The following GRID2 variants were observed in gnomAD, a reference collection of about 807,000 sequenced individuals.
The protein encoded by GRID2 is glutamate receptor ionotropic, delta-2.
Under a neutral mutation model 114.8 loss-of-function variants are expected in GRID2, and 33 were observed. The observed-to-expected ratio is 0.29, with a 90% confidence interval of 0.22 to 0.38. GRID2 has a LOEUF of 0.38. Ranked by LOEUF, GRID2 falls within the 10% of genes least tolerant of loss-of-function variation. The pLI is 1.00. For synonymous variants in GRID2, 505 were observed against 449.9 expected (o/e 1.12, Z -1.55); for missense variants, 1,184 against 1,257.7 (o/e 0.94, Z 0.89).
At chr4:92,957,248 T>A (rs2149145062) in intron 2 of GRID2, among the ~76,000 whole-genome samples, 1 of 152,260 alleles carries the variant, frequency 6.6e-6, no homozygotes, top group Admixed American at 6.5e-5. Flanking sequence ...ATATGATTTT[T>A]TTTTCTATGT....
intron 1 of GRID2, among the ~76,000 whole-genome samples, chr4:92,511,222 C>T (rs1196636802): frequency 6.6e-6 from 1 of 151,796 alleles, no homozygotes; most frequent in African/African-American, 2.4e-5. Flanking sequence ...CAACACATCA[C>T]ATGGCAAGAG....
At chr4:93,538,061 T>C (rs1732277080) in intron 13 of GRID2, among the ~76,000 whole-genome samples, 1 of 151,822 alleles carries the variant, frequency 6.6e-6, no homozygotes, top group African/African-American at 2.4e-5. Flanking sequence ...ATTCTCTTTT[T>C]AAAATTTTTA....
intron 2 of GRID2, among the ~76,000 whole-genome samples, chr4:92,631,493 C>T (rs1730806850): frequency 6.6e-6 from 1 of 152,056 alleles, no homozygotes; most frequent in African/African-American, 2.4e-5. Context: ...CTCTTACAAT[C>T]ACAGGATTTC....
intron 1 of GRID2, among the ~76,000 whole-genome samples, chr4:92,475,116 TAATAATAATAATA>T (rs887961556): frequency 2.0e-4 from 25 of 124,290 alleles, no homozygotes; most frequent in African/African-American, 7.1e-4. Flanking sequence ...ACTTAAAGTA[TAATAATAATAATA>T]AATAATAATA....
intron 2 of GRID2, among the ~76,000 whole-genome samples, chr4:93,017,781 A>G (rs1426384137): frequency 6.7e-6 from 1 of 150,182 alleles, no homozygotes; most frequent in Non-Finnish European, 1.5e-5. Flanking sequence ...GACTCCAGCC[A>G]GGACAGAGCA....
At chr4:93,141,867 C>T (rs1735798046) in intron 4 of GRID2, among the ~76,000 whole-genome samples, 1 of 152,156 alleles carries the variant, frequency 6.6e-6, no homozygotes, top group African/African-American at 2.4e-5. Flanking sequence ...TTCTGGTGAT[C>T]TTGTTTGACT....
intron 2 of GRID2, among the ~76,000 whole-genome samples, chr4:92,613,617 T>C (rs1729860439): frequency 6.6e-6 from 1 of 151,544 alleles, no homozygotes; most frequent in Non-Finnish European, 1.5e-5. Context: ...CATCGCTGAG[T>C]GAGTTTGATA....
chr4:92,459,274 T>C (rs1174859934), intron 1 of GRID2, among the ~76,000 whole-genome samples: 1 of 152,172 alleles, frequency 6.6e-6, no homozygotes, highest in Non-Finnish European at 1.5e-5. Context: ...ATAATTGTTA[T>C]AAATAATTTA....
intron 2 of GRID2, among the ~76,000 whole-genome samples, chr4:92,929,846 A>G (rs1750090705): frequency 6.6e-6 from 1 of 151,360 alleles, no homozygotes; most frequent in Non-Finnish European, 1.5e-5. Flanking sequence ...GTTTTTAAAA[A>G]AGGTTAATAT....
chr4:92,952,227 A>T (rs1752091028), intron 2 of GRID2, among the ~76,000 whole-genome samples: 1 of 152,178 alleles, frequency 6.6e-6, no homozygotes, highest in African/African-American at 2.4e-5. Flanking sequence ...AATCTTTATT[A>T]TTCTGATAGG....
rs139009162 is a variant in GRID2 at position 93,467,206 on chromosome 4, T to C, written c.1858+11232T>C. ...TGCCATGCCAGATTGCAAAAGTTGG[T>C]TCTGGATTTAAACCATCTTTGACAT... is the stretch of plus-strand genomic sequence containing the variant. On this transcript the variant is annotated intron_variant, in intron 11 of 15. Coordinates refer to ENST00000282020, the MANE Select transcript of GRID2 (RefSeq NM_001510.4). Among the ~76,000 whole-genome samples, 9 of 152,312 alleles carry C rather than the reference T, an allele frequency of 5.9e-5. No individual in the cohort carries two copies. In the East Asian group the frequency reaches 1.7e-3, roughly 29 times the overall value.
At chr4:92,825,221 G>A (rs576472783) in intron 2 of GRID2, among the ~76,000 whole-genome samples, 9 of 152,026 alleles carry the variant, frequency 5.9e-5, no homozygotes, top group Admixed American at 1.3e-4. Flanking sequence ...GAACCTTTGC[G>A]CAAATTACAA....
At chr4:93,546,755 A>G (rs1004843988) in intron 13 of GRID2, among the ~76,000 whole-genome samples, 2 of 152,216 alleles carry the variant, frequency 1.3e-5, no homozygotes, top group Non-Finnish European at 2.9e-5. Flanking sequence ...TGGCTTTTCT[A>G]TCAGAATACT....
At chr4:93,285,445 A>T (rs1018986162) in intron 8 of GRID2, among the ~76,000 whole-genome samples, 1 of 152,108 alleles carries the variant, frequency 6.6e-6, no homozygotes, top group African/African-American at 2.4e-5. Context: ...GCATTAAAAA[A>T]TAAGAAATAT....
intron 14 of GRID2, among the ~76,000 whole-genome samples, chr4:93,674,839 TA>T (rs1300688945): frequency 1.3e-5 from 2 of 152,170 alleles, no homozygotes; most frequent in Admixed American, 6.5e-5. Flanking sequence ...GTACATTAAG[TA>T]TATCTGCTAT....
In GRID2 at chr4:93,568,941, G is replaced by A. The variant is rs570187364; in HGVS notation, c.2193+53530G>A. 5.3e-5 allele frequency among the ~76,000 whole-genome samples: 8 copies of A among 152,184 alleles called. No individual in the cohort carries two copies. The South Asian group carries it at 1.7e-3, about 32-fold the overall frequency. Reference sequence around the variant, plus strand: ...TGCTTTCTGCGCCCACCTCAACCCTGCGCAAGATTTACTTCCAACACCTGT... The same window carrying A: ...TGCTTTCTGCGCCCACCTCAACCCTACGCAAGATTTACTTCCAACACCTGT... On this transcript the variant is annotated intron_variant, in intron 13 of 15. Transcript: ENST00000282020.
intron 2 of GRID2, among the ~76,000 whole-genome samples, chr4:92,932,296 C>A (rs1049066753): frequency 6.6e-6 from 1 of 151,168 alleles, no homozygotes; most frequent in African/African-American, 2.4e-5. Context: ...ATGCTCAATG[C>A]TAATATCATT....
At chr4:93,270,812 A>G (rs1751381713) in intron 8 of GRID2, among the ~76,000 whole-genome samples, 2 of 152,064 alleles carry the variant, frequency 1.3e-5, no homozygotes, top group African/African-American at 4.8e-5. Flanking sequence ...TATGTTTAGT[A>G]GAGACAGGGT....
intron 14 of GRID2, among the ~76,000 whole-genome samples, chr4:93,671,354 T>C (rs998270403): frequency 4.6e-5 from 7 of 152,188 alleles, no homozygotes; most frequent in Non-Finnish European, 1.0e-4. Flanking sequence ...TTCCCCATTT[T>C]GAGCATTCAA....
Sources: allele counts gnomAD v4.1 joint callset (sites outside exome capture counted in the v4.1 genomes callset), GRCh38; gene constraint gnomAD v4.1.1; transcripts MANE v1.5; gene names NCBI Gene and HGNC (gene_info 2026-07-23, HGNC 2026-07-21).